The following PI4K2A variants were observed in gnomAD, a reference collection of about 807,000 sequenced individuals.
The protein encoded by PI4K2A is phosphatidylinositol 4-kinase type 2 alpha, also known as phosphatidylinositol 4-kinase type 2-alpha.
A neutral mutation model predicts 55.0 loss-of-function variants in PI4K2A; 20 were observed. The observed-to-expected ratio is 0.36, with a 90% CI of 0.26 to 0.53. The LOEUF (loss-of-function observed/expected upper bound fraction) is 0.53, where lower values mean the gene tolerates loss of function less well. PI4K2A is among the 20% of genes least tolerant of loss of function. The pLI, the probability that PI4K2A is intolerant of heterozygous loss-of-function variation, is 0.91. For missense variants in PI4K2A, 463 were observed against 637.1 expected (o/e 0.73, Z 2.94); for synonymous variants, 235 against 258.5 (o/e 0.91, Z 0.87).
At chr10:97,664,820 C>A in intron 5 of PI4K2A, 65 bp from the exon 6 acceptor site, 1 of 1,037,984 alleles carries the variant, frequency 9.6e-7, no homozygotes. Context: ...AGTTGCTTTG[C>A]TACTAATTGG....
At chr10:97,651,987 T>G (rs1177400842) in intron 2 of PI4K2A, among the ~76,000 whole-genome samples, 1 of 152,136 alleles carries the variant, frequency 6.6e-6, no homozygotes, top group South Asian at 2.1e-4. Context: ...TAGGTGGGAC[T>G]CTCATCTGAT....
At chr10:97,649,609 ATTTTTT>A (rs60329004) in intron 1 of PI4K2A, among the ~76,000 whole-genome samples, 4 of 70,552 alleles carry the variant, frequency 5.7e-5, no homozygotes, top group Non-Finnish European at 1.2e-4. Flanking sequence ...TCCATAATAG[ATTTTTT>A]TTTTTTTTTT....
chr10:97,643,655 C>T (rs183675231), intron 1 of PI4K2A, among the ~76,000 whole-genome samples: 4 of 152,242 alleles, frequency 2.6e-5, no homozygotes, highest in Admixed American at 2.0e-4. Flanking sequence ...AACTTTTTGA[C>T]GTACTCATAC....
chr10:97,642,888 C>CTTTCTCTCTCTCTCTCTCTCTTT (rs1452827494), intron 1 of PI4K2A, among the ~76,000 whole-genome samples: 1 of 64,394 alleles, frequency 1.6e-5, no homozygotes, highest in Admixed American at 1.6e-4. Context: ...TTTCTTTCTT[C>CTTTCTCTCTCTCTCTCTCTCTTT]CTTCCTTCCT....
chr10:97,650,512 C>T (rs10160210), intron 1 of PI4K2A, among the ~76,000 whole-genome samples: 2 of 152,064 alleles, frequency 1.3e-5, no homozygotes, highest in African/African-American at 4.8e-5. Context: ...AAACTCCTGG[C>T]CTCAAATTAT....
At chr10:97,662,293 G>A (rs1419357859) in intron 4 of PI4K2A, among the ~76,000 whole-genome samples, 2 of 152,010 alleles carry the variant, frequency 1.3e-5, no homozygotes, top group African/African-American at 2.4e-5. Flanking sequence ...CTGTCATCTT[G>A]TTTCTTTGTG....
chr10:97,642,867 T>C (rs1262196052), intron 1 of PI4K2A, among the ~76,000 whole-genome samples: 11 of 91,844 alleles, frequency 1.2e-4, no homozygotes, highest in Admixed American at 2.1e-4. Flanking sequence ...TTCTTTCTTT[T>C]TCTTTCTTTC....
chr10:97,673,645 C>G (rs758589565), exon 9 of PI4K2A: 1 of 1,614,010 alleles, frequency 6.2e-7, no homozygotes, highest in Non-Finnish European at 8.5e-7. Flanking sequence ...CAGATGCCAC[C>G]TGTGATTGTC....
At chr10:97,660,933 A>AT (rs36016508) in intron 4 of PI4K2A, among the ~76,000 whole-genome samples, 38,966 of 146,386 alleles carry the variant, frequency 0.27, 6,350 homozygotes, top group African/African-American at 0.47. Context: ...TCCCTGCTGG[A>AT]TTTTTTTTTT....
Position 97,647,550 on chromosome 10 carries a change from A to G in PI4K2A, c.436-3391A>G, listed in dbSNP as rs180755906. 3.9e-5 allele frequency among the ~76,000 whole-genome samples: 6 copies of G among 152,346 alleles called. No individual in the cohort carries two copies. In the East Asian group the frequency reaches 1.2e-3, roughly 29 times the overall value. On this transcript the variant is annotated intron_variant, in intron 1 of 8. Transcript: ENST00000370631. ...CAGAGGGTATTTTACCTCTCTGTCT[A>G]GGAAAGCCACCAAATGCCTGCAGAA...
At chr10:97,660,116 C>T (rs1187598454) in intron 4 of PI4K2A, among the ~76,000 whole-genome samples, 2 of 151,226 alleles carry the variant, frequency 1.3e-5, no homozygotes, top group Non-Finnish European at 2.9e-5. Context: ...ATTCTCCTGC[C>T]TCAGCCTCCC....
intron 1 of PI4K2A, among the ~76,000 whole-genome samples, chr10:97,645,987 G>A (rs2041503227): frequency 6.6e-6 from 1 of 152,148 alleles, no homozygotes; most frequent in South Asian, 2.1e-4. Flanking sequence ...AGTTCTTAGA[G>A]TGTGGCCCAG....
At chr10:97,673,042 A>G (rs956745350) in intron 8 of PI4K2A, among the ~76,000 whole-genome samples, 3 of 150,310 alleles carry the variant, frequency 2.0e-5, no homozygotes, top group African/African-American at 7.4e-5. Flanking sequence ...GCTGGAGTGC[A>G]GTGGCACGAT....
At chr10:97,650,366 C>T (rs2041525334) in intron 1 of PI4K2A, among the ~76,000 whole-genome samples, 1 of 148,222 alleles carries the variant, frequency 6.7e-6, no homozygotes, top group South Asian at 2.1e-4. Context: ...ACTGCAACCT[C>T]CGCCCCATGG....
intron 1 of PI4K2A, among the ~76,000 whole-genome samples, chr10:97,643,355 G>C (rs1283069529): frequency 6.6e-6 from 1 of 151,928 alleles, no homozygotes; most frequent in Non-Finnish European, 1.5e-5. Flanking sequence ...GATTATCTTT[G>C]ATAGGTACAG....
intron 4 of PI4K2A, among the ~76,000 whole-genome samples, chr10:97,661,181 C>T (rs912114391): frequency 4.0e-5 from 6 of 151,738 alleles, no homozygotes; most frequent in Non-Finnish European, 7.4e-5. Flanking sequence ...TTAGTAGAGA[C>T]GGGGTTTCAC....
chr10:97,664,948 G>A, exon 6 of PI4K2A: 1 of 1,613,822 alleles, frequency 6.2e-7, no homozygotes, highest in East Asian at 2.2e-5. Context: ...CAATGGGCTG[G>A]CCTTCCCACT....
At chr10:97,664,897 G>T in exon 6 of PI4K2A, 1 of 1,613,348 alleles carries the variant, frequency 6.2e-7, no homozygotes, top group Non-Finnish European at 8.5e-7. Context: ...CACAGACTGG[G>T]TGGTGGTGAA....
chr10:97,661,375 C>CT (rs35506472), intron 4 of PI4K2A, among the ~76,000 whole-genome samples: 174 of 146,232 alleles, frequency 1.2e-3, no homozygotes, highest in Middle Eastern at 3.6e-3. Context: ...GAGATAAAGA[C>CT]TTTTTTTTTT....
Sources: gnomAD v4.1 joint callset for allele counts (sites outside exome capture counted in the v4.1 genomes callset) on GRCh38, gnomAD v4.1.1 for gene constraint, MANE v1.5 for transcripts, NCBI Gene and HGNC (gene_info 2026-07-23, HGNC 2026-07-21) for gene names.